SLC16A7: variants seen among roughly 807,000 people sequenced by gnomAD.
SLC16A7 encodes solute carrier family 16 member 7.
Under a neutral mutation model 34.9 loss-of-function variants are expected in SLC16A7, and 33 were observed. The observed-to-expected ratio is 0.94, with a 90% CI of 0.72 to 1.26. The LOEUF (loss-of-function observed/expected upper bound fraction) is 1.26. Ranked by LOEUF, SLC16A7 falls within the 50% of genes most tolerant of loss-of-function variation. SLC16A7 has a pLI of 0.00. For synonymous variants in SLC16A7, 201 were observed against 206.6 expected (o/e 0.97, Z 0.23); for missense variants, 573 against 578.1 (o/e 0.99, Z 0.09).
chr12:59,647,382 T>G (rs1437200641), intron 1 of SLC16A7, among the ~76,000 whole-genome samples: 1 of 152,166 alleles, frequency 6.6e-6, no homozygotes, highest in Non-Finnish European at 1.5e-5. Context: ...CGTTCAGCTC[T>G]CATTCTTCTC....
Position 59,643,148 on chromosome 12 carries a change from A to C in SLC16A7, c.-129-12004A>C, listed in dbSNP as rs370342916. Among the ~76,000 whole-genome samples, 137 of 152,246 alleles carry C rather than the reference A, an allele frequency of 9.0e-4. 4 individuals carry two copies. The highest frequency in any genetic ancestry group is 3.4e-3 in the Middle Eastern group (1 of 294). On this transcript the variant is annotated intron_variant, in intron 1 of 5. Coordinates refer to ENST00000547379, the MANE Select transcript of SLC16A7 (RefSeq NM_001270623.2). ...GACTATGCTGCATACTTTCATATGC[A>C]TTAACTTTAATATTTACTCCAATGT...
intron 3 of SLC16A7, among the ~76,000 whole-genome samples, chr12:59,729,142 G>T (rs1247687352): frequency 6.6e-6 from 1 of 152,150 alleles, no homozygotes; most frequent in African/African-American, 2.4e-5. Flanking sequence ...TTTATGTGTG[G>T]TTTGCATAAT....
At chr12:59,700,516 T>A (rs1343521317) in intron 2 of SLC16A7, among the ~76,000 whole-genome samples, 1 of 149,432 alleles carries the variant, frequency 6.7e-6, no homozygotes, top group Non-Finnish European at 1.5e-5. Flanking sequence ...AATTATTAAT[T>A]ATTAAGAATT....
At chr12:59,740,517 A>G (rs928552591) in intron 3 of SLC16A7, among the ~76,000 whole-genome samples, 1 of 152,148 alleles carries the variant, frequency 6.6e-6, no homozygotes, top group African/African-American at 2.4e-5. Flanking sequence ...ACAATGCTTC[A>G]TGCTAAAAAC....
rs114141225 is a variant in SLC16A7, at chr12:59,711,558, G to T, written c.217+6540G>T. On this transcript the variant is annotated intron_variant, in intron 3 of 5. Transcript: ENST00000547379. Reference sequence around the variant, plus strand: ...AAATTTGAAACAGGGTCACTCTGTTGCCCAAGCTGAGTGTAGTGGTGTGAT... The same window carrying T: ...AAATTTGAAACAGGGTCACTCTGTTTCCCAAGCTGAGTGTAGTGGTGTGAT... 9.9e-3 allele frequency among the ~76,000 whole-genome samples: 1,503 copies of T among 152,256 alleles called. 25 individuals are homozygous for T. Among genetic ancestry groups the T allele is most frequent in the African/African-American group, 0.034 (1,421 of 41,542 alleles).
rs1883368161 is a variant in SLC16A7 at position 59,783,175 on chromosome 12, T to A, written c.*3496T>A. On this transcript the variant is annotated 3_prime_UTR_variant, in exon 6 of 6. Transcript: ENST00000547379. ...CTAAAACACCTTTAAAAAATCCCTT[T>A]CATATGTAGAATGTGGAAGGCTTTT... 6.6e-6 allele frequency: 1 copy of A among 152,176 alleles called. No individual in the cohort carries two copies. Among genetic ancestry groups the A allele is most frequent in the South Asian group, 2.1e-4 (1 of 4,826 alleles). The allele number at this position is 152,176 out of a possible 1,614,324, so 9.4% of individuals were successfully genotyped here. A position where few individuals can be genotyped will look rare whatever the true frequency, so the allele number is the denominator to read the frequency against.
intron 3 of SLC16A7, among the ~76,000 whole-genome samples, chr12:59,731,819 T>G (rs756601463): frequency 2.0e-5 from 3 of 152,164 alleles, no homozygotes; most frequent in Non-Finnish European, 4.4e-5. Context: ...GTAATGAGGA[T>G]TTAACCCAGA....
chr12:59,605,712 G>A (rs1878905330), intron 1 of SLC16A7, among the ~76,000 whole-genome samples: 1 of 152,172 alleles, frequency 6.6e-6, no homozygotes, highest in African/African-American at 2.4e-5. Flanking sequence ...ATGTCCTTGA[G>A]CCAATTTTTT....
intron 1 of SLC16A7, among the ~76,000 whole-genome samples, chr12:59,608,917 T>A (rs1879066061): frequency 1.3e-5 from 2 of 152,212 alleles, no homozygotes; most frequent in Admixed American, 1.3e-4. Context: ...AACCTAATTA[T>A]GACTGTTCAT....
intron 1 of SLC16A7, among the ~76,000 whole-genome samples, chr12:59,614,823 C>CCA (rs1565618640): frequency 2.6e-5 from 1 of 38,784 alleles, no homozygotes; most frequent in East Asian, 2.0e-3. Context: ...CCCATTCCTA[C>CCA]TAAAAAAAAA....
At chr12:59,754,140 C>T (rs1249500450) in intron 3 of SLC16A7, among the ~76,000 whole-genome samples, 1 of 151,990 alleles carries the variant, frequency 6.6e-6, no homozygotes, top group African/African-American at 2.4e-5. Context: ...ACTAAATGCC[C>T]ACAAGAGAAA....
intron 2 of SLC16A7, among the ~76,000 whole-genome samples, chr12:59,671,758 T>C (rs1314072620): frequency 6.9e-6 from 1 of 145,394 alleles, no homozygotes; most frequent in Non-Finnish European, 1.5e-5. Flanking sequence ...ATATAATGTG[T>C]ATATGTATAT....
Position 59,775,377 on chromosome 12 carries a change from C to A in SLC16A7, c.1082C>A (p.Thr361Asn), listed in dbSNP as rs1032831257. The A allele has an allele frequency of 8.1e-6, 13 of 1,613,946 alleles. No individual in the cohort carries two copies. Among genetic ancestry groups the A allele is most frequent in the Non-Finnish European group, 1.1e-5 (13 of 1,179,984 alleles). ...FGSVSSVLFETLMDLVGAPRF... is the reference protein window; with the variant it reads ...FGSVSSVLFENLMDLVGAPRF... ...AGTGTTAGCAGTGTTCTCTTTGAAA[C>A]TCTCATGGACCTCGTGGGTGCACCA... The change falls in exon 5 of 6, where the codon ACT (threonine) becomes AAT (asparagine). Residue 361 changes from threonine (T) to asparagine (N), a missense_variant. By Grantham distance (65) the Thr-to-Asn change is moderately conservative (BLOSUM62 0). Coordinates refer to ENST00000547379, the MANE Select transcript of SLC16A7 (RefSeq NM_001270623.2).
intron 3 of SLC16A7, among the ~76,000 whole-genome samples, chr12:59,729,109 T>C (rs780458087): frequency 7.9e-5 from 12 of 152,246 alleles, no homozygotes; most frequent in Non-Finnish European, 1.6e-4. Flanking sequence ...CACTGGATAC[T>C]CAACACATTC....
intron 1 of SLC16A7, among the ~76,000 whole-genome samples, chr12:59,650,735 G>A (rs1315383493): frequency 2.6e-5 from 4 of 152,148 alleles, no homozygotes; most frequent in Non-Finnish European, 4.4e-5. Flanking sequence ...GGAGGTGCCT[G>A]TGGGAAGGGT....
chr12:59,627,806 C>A (rs1026624481), intron 1 of SLC16A7, among the ~76,000 whole-genome samples: 1 of 151,260 alleles, frequency 6.6e-6, no homozygotes, highest in Non-Finnish European at 1.5e-5. Flanking sequence ...CTGATGATTT[C>A]TAGGCCTACA....
chr12:59,730,171 C>T (rs1425135099), intron 3 of SLC16A7, among the ~76,000 whole-genome samples: 1 of 151,258 alleles, frequency 6.6e-6, no homozygotes, highest in Admixed American at 6.6e-5. Flanking sequence ...TAACATATTT[C>T]CTCACTGTTT....
intron 2 of SLC16A7, among the ~76,000 whole-genome samples, chr12:59,670,936 C>T (rs915702139): frequency 1.3e-5 from 2 of 151,432 alleles, no homozygotes; most frequent in African/African-American, 4.8e-5. Flanking sequence ...ACCAAGACCT[C>T]TGCATCCATG....
chr12:59,760,890 G>A (rs1880941320), intron 3 of SLC16A7, among the ~76,000 whole-genome samples: 1 of 152,100 alleles, frequency 6.6e-6, no homozygotes, highest in African/African-American at 2.4e-5. Context: ...GAAACCTTGG[G>A]TAAGGGGGAC....
Sources: allele counts gnomAD v4.1 joint callset (sites outside exome capture counted in the v4.1 genomes callset), GRCh38; gene constraint gnomAD v4.1.1; transcripts MANE v1.5; gene names NCBI Gene and HGNC (gene_info 2026-07-23, HGNC 2026-07-21).